The following KIAA0825 variants were observed in gnomAD, a reference collection of about 807,000 sequenced individuals.
KIAA0825 encodes KIAA0825, also known as uncharacterized protein KIAA0825.
KIAA0825 carries 119 observed loss-of-function variants against 147.6 expected under a neutral mutation model. The observed-to-expected ratio is 0.81, with a 90% CI of 0.69 to 0.94. KIAA0825 has a LOEUF of 0.94. Ranked by LOEUF, KIAA0825 falls within the 40% of genes least tolerant of loss-of-function variation. The probability of loss-of-function intolerance (pLI) is 0.00; values close to 1 mark genes in which losing one functional copy is unlikely to be tolerated. For missense variants in KIAA0825, 1,381 were observed against 1,472.7 expected, an observed-to-expected ratio of 0.94 and a Z score of 1.02; for synonymous variants, 470 against 518.1, an observed-to-expected ratio of 0.91 and a Z score of 1.26.
intron 14 of KIAA0825, among the ~76,000 whole-genome samples, chr5:94,437,439 T>C (rs917618906): frequency 1.3e-5 from 2 of 152,200 alleles, no homozygotes; most frequent in African/African-American, 4.8e-5. Context: ...ATAGCCTTTG[T>C]TTAAAATGAT....
intron 20 of KIAA0825, among the ~76,000 whole-genome samples, chr5:94,384,019 G>C (rs574190368): frequency 1.3e-5 from 2 of 152,172 alleles, no homozygotes; most frequent in South Asian, 2.1e-4. Context: ...TAACGTTCAA[G>C]TCAATAACTT....
At chr5:94,253,905 A>G (rs1343084922) in intron 20 of KIAA0825, among the ~76,000 whole-genome samples, 1 of 152,166 alleles carries the variant, frequency 6.6e-6, no homozygotes, top group Admixed American at 6.5e-5. Context: ...TCTGTAGCAC[A>G]ATGCATCTTC....
chr5:94,532,529 A>C, intron 3 of KIAA0825, among the ~76,000 whole-genome samples: 4 of 144,970 alleles, frequency 2.8e-5, no homozygotes, highest in Admixed American at 1.4e-4. Context: ...TCCTTTCCTC[A>C]TTTCCCTTTC....
intron 2 of KIAA0825, among the ~76,000 whole-genome samples, chr5:94,540,656 T>C (rs753793682): frequency 6.6e-6 from 1 of 152,234 alleles, no homozygotes; most frequent in Non-Finnish European, 1.5e-5. Context: ...ATAAGTGTAA[T>C]GCCTTTCATT....
At chr5:94,529,183 A>G (rs1294322609) in intron 3 of KIAA0825, among the ~76,000 whole-genome samples, 1 of 147,842 alleles carries the variant, frequency 6.8e-6, no homozygotes, top group African/African-American at 2.5e-5. Flanking sequence ...TCTCATATAT[A>G]TTATATATAT....
In KIAA0825 at chr5:94,582,168, T is replaced by G. The variant is rs1183148088; in HGVS notation, c.-2+265A>C. ...TACTGTTTGCATAGAATGGGGAATT[T>G]CAAAGAAAGGAACATAAAGAGAGAT... On this transcript the variant is annotated intron_variant, in intron 2 of 20. Transcript: ENST00000682413. 2.0e-5 allele frequency among the ~76,000 whole-genome samples: 3 copies of G among 152,196 alleles called. No individual in the cohort carries two copies. The East Asian group carries it at 5.8e-4, about 29-fold the overall frequency.
intron 20 of KIAA0825, among the ~76,000 whole-genome samples, chr5:94,330,968 C>G (rs894218273): frequency 6.6e-6 from 1 of 151,956 alleles, no homozygotes; most frequent in African/African-American, 2.4e-5. Flanking sequence ...AACCCCATCT[C>G]TACTAGAAAT....
intron 20 of KIAA0825, among the ~76,000 whole-genome samples, chr5:94,347,414 C>T (rs1367394311): frequency 1.3e-5 from 2 of 152,244 alleles, no homozygotes; most frequent in African/African-American, 4.8e-5. Flanking sequence ...CCCCCTGCCA[C>T]TTCCACCGGA....
chr5:94,581,731 G>A (rs979060952), intron 2 of KIAA0825, among the ~76,000 whole-genome samples: 1 of 152,024 alleles, frequency 6.6e-6, no homozygotes, highest in African/African-American at 2.4e-5. Context: ...CTAAAGCTTT[G>A]AAGAAGCCAA....
At chr5:94,371,399 A>G (rs763040713) in intron 20 of KIAA0825, among the ~76,000 whole-genome samples, 2 of 152,202 alleles carry the variant, frequency 1.3e-5, no homozygotes, top group Non-Finnish European at 2.9e-5. Context: ...GACATACCCA[A>G]GACTGGGTAA....
chr5:94,446,975 T>A (rs1433263078), intron 13 of KIAA0825, among the ~76,000 whole-genome samples: 2 of 152,018 alleles, frequency 1.3e-5, no homozygotes, highest in Admixed American at 1.3e-4. Flanking sequence ...AGTAATGGAT[T>A]TGGTGTGTAG....
intron 12 of KIAA0825, among the ~76,000 whole-genome samples, chr5:94,460,405 G>A (rs1759668020): frequency 6.6e-6 from 1 of 152,040 alleles, no homozygotes. Context: ...ATGTATTCCT[G>A]TCCAGGGATT....
chr5:94,287,393 G>C (rs1777708202), intron 20 of KIAA0825, among the ~76,000 whole-genome samples: 1 of 152,086 alleles, frequency 6.6e-6, no homozygotes, highest in Non-Finnish European at 1.5e-5. Context: ...ATCCTGATTT[G>C]CCAGATTTTA....
intron 20 of KIAA0825, among the ~76,000 whole-genome samples, chr5:94,261,100 G>A (rs981675682): frequency 4.6e-5 from 7 of 151,472 alleles, no homozygotes; most frequent in South Asian, 2.1e-4. Flanking sequence ...CCAGGAGTTC[G>A]AGACCAGACT....
chr5:94,376,164 G>A (rs568337549), intron 20 of KIAA0825, among the ~76,000 whole-genome samples: 1 of 152,220 alleles, frequency 6.6e-6, no homozygotes, highest in African/African-American at 2.4e-5. Context: ...CAGCCATATG[G>A]TAAGCACTCT....
At chr5:94,187,936 A>G (rs1488269753) in intron 20 of KIAA0825, among the ~76,000 whole-genome samples, 2 of 152,212 alleles carry the variant, frequency 1.3e-5, no homozygotes, top group Admixed American at 1.3e-4. Context: ...TGAAATCCTG[A>G]CAGCCAGTAT....
intron 6 of KIAA0825, among the ~76,000 whole-genome samples, chr5:94,478,623 T>G (rs911872070): frequency 6.6e-6 from 1 of 152,142 alleles, no homozygotes; most frequent in Non-Finnish European, 1.5e-5. Context: ...CCATTTAACT[T>G]AAAATGATTT....
chr5:94,292,037 T>A (rs1777922592), intron 20 of KIAA0825, among the ~76,000 whole-genome samples: 1 of 152,196 alleles, frequency 6.6e-6, no homozygotes, highest in South Asian at 2.1e-4. Flanking sequence ...GTTCTAAATA[T>A]ACAATCATGT....
chr5:94,527,435 T>C (rs1440537769), intron 3 of KIAA0825, among the ~76,000 whole-genome samples: 1 of 152,010 alleles, frequency 6.6e-6, no homozygotes, highest in Non-Finnish European at 1.5e-5. Context: ...CATTGGTAAA[T>C]TATGAGAACT....
Sources: allele counts gnomAD v4.1 joint callset (sites outside exome capture counted in the v4.1 genomes callset), GRCh38; gene constraint gnomAD v4.1.1; transcripts MANE v1.5; gene names NCBI Gene and HGNC (gene_info 2026-07-23, HGNC 2026-07-21).